Variants in PPARGC1A observed in about 807,000 individuals in gnomAD.
PPARGC1A encodes peroxisome proliferator-activated receptor gamma coactivator 1-alpha.
In PPARGC1A, 25 loss-of-function variants were observed where a neutral mutation model predicts 88.7. The ratio of observed to expected loss-of-function variants is 0.28; its 90% confidence interval spans 0.21 to 0.39. PPARGC1A has a LOEUF of 0.39. PPARGC1A is among the 10% of genes least tolerant of loss of function. PPARGC1A has a pLI of 1.00. For missense variants in PPARGC1A, 880 were observed against 968.7 expected (o/e 0.91, Z 1.22); for synonymous variants, 363 against 355.6 (o/e 1.02, Z -0.24).
the PPARGC1A span, among the ~76,000 whole-genome samples, chr4:24,211,144 C>T: frequency 3.9e-5 from 6 of 152,186 alleles, no homozygotes; most frequent in Admixed American, 1.3e-4. Context: ...CTGCCTAGCA[C>T]GTGCATGGCT....
At chr4:24,175,376 T>G in the PPARGC1A span, among the ~76,000 whole-genome samples, 2 of 87,872 alleles carry the variant, frequency 2.3e-5, no homozygotes, top group Admixed American at 2.7e-4. Context: ...CTTTGTTTCG[T>G]TTTTTTTTTT....
At chr4:24,009,472 G>A in the PPARGC1A span, among the ~76,000 whole-genome samples, 2 of 152,174 alleles carry the variant, frequency 1.3e-5, no homozygotes, top group East Asian at 1.9e-4. Context: ...CTAATAAGCA[G>A]CTCTAAAGAG....
At chr4:23,952,728 G>A in the PPARGC1A span, among the ~76,000 whole-genome samples, 1 of 152,046 alleles carries the variant, frequency 6.6e-6, no homozygotes, top group African/African-American at 2.4e-5. Flanking sequence ...CTTATACAAT[G>A]TAAGGAACCC....
At chr4:24,028,129 A>T in the PPARGC1A span, among the ~76,000 whole-genome samples, 1 of 151,906 alleles carries the variant, frequency 6.6e-6, no homozygotes, top group South Asian at 2.1e-4. Context: ...AGGAAAAAAA[A>T]ATCTGTAGTG....
chr4:23,827,964 C>G (rs576924814), intron 5 of PPARGC1A, among the ~76,000 whole-genome samples: 1 of 152,104 alleles, frequency 6.6e-6, no homozygotes, highest in East Asian at 1.9e-4. Context: ...TCAAGAGAGG[C>G]TGCATAAACA....
At chr4:23,992,475 T>C in the PPARGC1A span, among the ~76,000 whole-genome samples, 1 of 152,006 alleles carries the variant, frequency 6.6e-6, no homozygotes, top group Non-Finnish European at 1.5e-5. Flanking sequence ...CAGGTAAAAA[T>C]AATCAGAAAA....
chr4:24,358,847 G>A, the PPARGC1A span, among the ~76,000 whole-genome samples: 3 of 152,178 alleles, frequency 2.0e-5, no homozygotes, highest in Non-Finnish European at 2.9e-5. Flanking sequence ...GCGTGGCATG[G>A]CCTTTTCTAG....
chr4:24,391,098 T>G, the PPARGC1A span, among the ~76,000 whole-genome samples: 3 of 152,238 alleles, frequency 2.0e-5, no homozygotes, highest in East Asian at 3.9e-4. Context: ...TTACAAAAAA[T>G]CTAATTGCAT....
chr4:24,392,137 A>C, the PPARGC1A span, among the ~76,000 whole-genome samples: 1 of 152,224 alleles, frequency 6.6e-6, no homozygotes, highest in African/African-American at 2.4e-5. Context: ...GCCAGCTAAA[A>C]CCCAATGAAA....
chr4:23,824,961 C>T (rs1335139168), intron 5 of PPARGC1A, among the ~76,000 whole-genome samples: 1 of 151,948 alleles, frequency 6.6e-6, no homozygotes, highest in Non-Finnish European at 1.5e-5. Context: ...TCTATGAGGC[C>T]AAAGCTCATG....
At chr4:24,123,649 T>C in the PPARGC1A span, among the ~76,000 whole-genome samples, 1 of 152,120 alleles carries the variant, frequency 6.6e-6, no homozygotes, top group South Asian at 2.1e-4. Flanking sequence ...AGTGGGTAAA[T>C]GTAAGTCAGT....
chr4:24,398,442 G>T, the PPARGC1A span, among the ~76,000 whole-genome samples: 1 of 151,818 alleles, frequency 6.6e-6, no homozygotes, highest in Admixed American at 6.6e-5. Flanking sequence ...TGTTATACTT[G>T]GTCTTCTTTT....
At chr4:24,048,560 T>A in the PPARGC1A span, among the ~76,000 whole-genome samples, 2 of 152,208 alleles carry the variant, frequency 1.3e-5, no homozygotes, top group South Asian at 2.1e-4. Context: ...CTATAAATCA[T>A]CCCTGGCAAG....
In PPARGC1A at chr4:23,802,325, A is replaced by G; in HGVS notation, c.2040T>C (p.Tyr680=). Residue 680 remains tyrosine (Y), a synonymous_variant, in exon 11 of 13, where the codon TAT becomes TAC. Transcript: ENST00000264867. ...TTGTGTCAGGTCTGATTTTACCGACATAAATCACACGGCGCTCTTCCTATG... is the reference window on the plus strand; with the variant it reads ...TTGTGTCAGGTCTGATTTTACCGACGTAAATCACACGGCGCTCTTCCTATG... The part of the protein sequence containing the change: ...QKAIEERRVI[Y]VGKIRPDTTR... 1 of 1,613,642 alleles carries G rather than the reference A, an allele frequency of 6.2e-7. No homozygotes were observed. Among genetic ancestry groups the G allele is most frequent in the Non-Finnish European group, 8.5e-7 (1 of 1,179,896 alleles).
the PPARGC1A span, among the ~76,000 whole-genome samples, chr4:24,284,017 T>C: frequency 1.3e-5 from 2 of 151,658 alleles, no homozygotes; most frequent in African/African-American, 2.4e-5. Flanking sequence ...CAGTGGCTCA[T>C]GCCTGTAATC....
chr4:24,099,289 A>C, the PPARGC1A span, among the ~76,000 whole-genome samples: 10 of 102,636 alleles, frequency 9.7e-5, no homozygotes, highest in African/African-American at 3.8e-4. Flanking sequence ...CCCTCCTGCA[A>C]AAAAAAAAAA....
At chr4:24,338,177 T>C in the PPARGC1A span, among the ~76,000 whole-genome samples, 26,341 of 152,162 alleles carry the variant, frequency 0.17, 2,425 homozygotes, top group Non-Finnish European at 0.2. Flanking sequence ...GAAATGATGA[T>C]TTGTGAGCCC....
intron 2 of PPARGC1A, chr4:23,883,350 C>T (rs57531196): frequency 0.032 from 4,831 of 152,302 alleles, 112 homozygotes; most frequent in Non-Finnish European, 0.049. Flanking sequence ...ACTCTACCTC[C>T]GTGCCAACCA....
chr4:24,184,592 G>A, the PPARGC1A span, among the ~76,000 whole-genome samples: 215 of 152,334 alleles, frequency 1.4e-3, no homozygotes, highest in African/African-American at 5.0e-3. Context: ...TTAGCTGGTG[G>A]ATTGGTGTCC....
Sources: allele counts gnomAD v4.1 joint callset (sites outside exome capture counted in the v4.1 genomes callset), GRCh38; gene constraint gnomAD v4.1.1; transcripts MANE v1.5; gene names NCBI Gene and HGNC (gene_info 2026-07-23, HGNC 2026-07-21).